SNTG1: variants seen among roughly 807,000 people sequenced by gnomAD.
The protein encoded by SNTG1 is gamma-1-syntrophin.
In SNTG1, 39 loss-of-function variants were observed where a neutral mutation model predicts 74.7. The ratio of observed to expected loss-of-function variants is 0.52; its 90% CI spans 0.40 to 0.68. The LOEUF (loss-of-function observed/expected upper bound fraction) is 0.68, where lower values mean the gene tolerates loss of function less well. SNTG1 is among the 30% of genes least tolerant of loss of function. SNTG1 has a pLI of 0.00. For missense variants in SNTG1, 685 were observed against 609.5 expected (o/e 1.12, Z -1.30); for synonymous variants, 254 against 217.1 (o/e 1.17, Z -1.49).
chr8:50,404,513 C>A (rs537953108), intron 4 of SNTG1, among the ~76,000 whole-genome samples: 1 of 151,900 alleles, frequency 6.6e-6, no homozygotes. Flanking sequence ...TCAGCGCTTA[C>A]TATAAGATTC....
intron 17 of SNTG1, among the ~76,000 whole-genome samples, chr8:50,728,948 C>T (rs2095506466): frequency 1.3e-5 from 2 of 152,198 alleles, no homozygotes; most frequent in Admixed American, 6.5e-5. Flanking sequence ...GGAGCATTTT[C>T]TCCTCACTTA....
intron 1 of SNTG1, among the ~76,000 whole-genome samples, chr8:49,923,089 T>C (rs1041266414): frequency 6.6e-6 from 1 of 152,166 alleles, no homozygotes; most frequent in Admixed American, 6.6e-5. Flanking sequence ...AAGCAATATA[T>C]GCATATTACT....
chr8:49,977,290 T>TA (rs1009901156), intron 1 of SNTG1, among the ~76,000 whole-genome samples: 3 of 152,102 alleles, frequency 2.0e-5, no homozygotes, highest in East Asian at 1.9e-4. Flanking sequence ...TTTCAGAAAT[T>TA]AAAAAAACAA....
chr8:50,240,872 T>A (rs2086134834), intron 2 of SNTG1, among the ~76,000 whole-genome samples: 1 of 152,230 alleles, frequency 6.6e-6, no homozygotes, highest in South Asian at 2.1e-4. Context: ...GAAAGATTCA[T>A]ATTCCAATTT....
intron 2 of SNTG1, among the ~76,000 whole-genome samples, chr8:50,358,780 T>C (rs1438834037): frequency 2.0e-5 from 3 of 152,182 alleles, no homozygotes; most frequent in Admixed American, 2.0e-4. Context: ...TAAGAAAAAT[T>C]ACCACTTTCA....
chr8:50,632,377 C>A lies in SNTG1; in HGVS notation c.850-24532C>A, dbSNP rs976864156. Among the ~76,000 whole-genome samples, 6 of 151,672 alleles carry A rather than the reference C, an allele frequency of 4.0e-5. 1 individual carries two copies. Among genetic ancestry groups the A allele is most frequent in the Non-Finnish European group, 7.4e-5 (5 of 67,990 alleles). On this transcript the variant is annotated intron_variant, in intron 13 of 18. Transcript: ENST00000642720. ...CCAGGTTGGAGTGCAGTGTTGCAAT[C>A]TCGGCTCACTGCAACCTCTGCCTCC...
At chr8:50,452,365 C>G (rs1277176446) in intron 8 of SNTG1, among the ~76,000 whole-genome samples, 1 of 152,168 alleles carries the variant, frequency 6.6e-6, no homozygotes, top group Non-Finnish European at 1.5e-5. Flanking sequence ...CTTGCAGATT[C>G]CTATGTAAAT....
chr8:49,975,245 A>G (rs915964981), intron 1 of SNTG1, among the ~76,000 whole-genome samples: 1 of 152,222 alleles, frequency 6.6e-6, no homozygotes, highest in Non-Finnish European at 1.5e-5. Context: ...TCAACTGCCG[A>G]GATTATTTAG....
Position 50,172,789 on chromosome 8 carries a change from C to A in SNTG1, c.-28+154C>A, listed in dbSNP as rs78105409. On this transcript the variant is annotated intron_variant, in intron 2 of 18. Coordinates refer to ENST00000642720, the MANE Select transcript of SNTG1 (RefSeq NM_018967.5). ...CTTGAAAAATGACAAAAAAAAAAAA[C>A]AAAACCTCTTGTTATGGAAGCAGTA... Among the ~76,000 whole-genome samples, 296 of 64,714 alleles carry A rather than the reference C, an allele frequency of 4.6e-3. 2 individuals are homozygous for A. Among genetic ancestry groups the A allele is most frequent in the African/African-American group, 0.013 (218 of 16,896 alleles). 42.5% of individuals were successfully genotyped at this position (64,714 alleles called of 152,430 possible).
At chr8:49,971,884 G>A (rs181565415) in intron 1 of SNTG1, among the ~76,000 whole-genome samples, 5,913 of 152,178 alleles carry the variant, frequency 0.039, 385 homozygotes, top group African/African-American at 0.13. Context: ...AGAAATGGAA[G>A]AACATTCCAT....
chr8:49,927,418 G>T (rs1412892589), intron 1 of SNTG1, among the ~76,000 whole-genome samples: 5 of 152,060 alleles, frequency 3.3e-5, no homozygotes, highest in Non-Finnish European at 7.4e-5. Flanking sequence ...TAAAATAAAT[G>T]AGTTAAAATA....
chr8:50,569,516 A>C (rs561002449), intron 12 of SNTG1, among the ~76,000 whole-genome samples: 3 of 151,914 alleles, frequency 2.0e-5, no homozygotes, highest in African/African-American at 4.8e-5. Flanking sequence ...AAAAGCAAAA[A>C]AAAAATCAAA....
chr8:50,716,702 A>G (rs542899902), intron 17 of SNTG1, among the ~76,000 whole-genome samples: 37 of 150,674 alleles, frequency 2.5e-4, no homozygotes, highest in Admixed American at 1.3e-3. Context: ...ATTGTGTAAT[A>G]TGAAAAATAA....
intron 1 of SNTG1, among the ~76,000 whole-genome samples, chr8:50,033,433 T>C (rs1460188818): frequency 6.6e-6 from 1 of 152,180 alleles, no homozygotes; most frequent in African/African-American, 2.4e-5. Context: ...CAATTTATTA[T>C]TCTTAATAAT....
chr8:50,230,536 T>C (rs1342735914), intron 2 of SNTG1, among the ~76,000 whole-genome samples: 1 of 151,406 alleles, frequency 6.6e-6, no homozygotes, highest in South Asian at 2.1e-4. Context: ...GCTTTATTAC[T>C]ATTAAGGAAA....
intron 1 of SNTG1, among the ~76,000 whole-genome samples, chr8:50,135,079 A>G (rs2131424905): frequency 6.6e-6 from 1 of 152,288 alleles, no homozygotes; most frequent in Non-Finnish European, 1.5e-5. Flanking sequence ...TGAGACTCAG[A>G]TTCCCTTTTC....
chr8:50,209,582 C>T (rs7818774), intron 2 of SNTG1, among the ~76,000 whole-genome samples: 1 of 152,168 alleles, frequency 6.6e-6, no homozygotes, highest in South Asian at 2.1e-4. Context: ...TGCTCTGCAG[C>T]CTCCGCTGGT....
intron 2 of SNTG1, among the ~76,000 whole-genome samples, chr8:50,252,921 A>G (rs565544555): frequency 1.2e-4 from 18 of 152,344 alleles, no homozygotes; most frequent in Middle Eastern, 6.8e-3. Context: ...TAACAAGTAC[A>G]TTAAAAAGTG....
intron 1 of SNTG1, among the ~76,000 whole-genome samples, chr8:49,960,582 G>A (rs1333406990): frequency 6.6e-6 from 1 of 151,958 alleles, no homozygotes; most frequent in East Asian, 1.9e-4. Flanking sequence ...GTGCCTTATA[G>A]CCATAAGATG....
Sources: allele counts gnomAD v4.1 joint callset (sites outside exome capture counted in the v4.1 genomes callset), GRCh38; gene constraint gnomAD v4.1.1; transcripts MANE v1.5; gene names NCBI Gene and HGNC (gene_info 2026-07-23, HGNC 2026-07-21).